ARHGAP6: variants seen among roughly 807,000 people sequenced by gnomAD.
The protein encoded by ARHGAP6 is Rho GTPase activating protein 6.
ARHGAP6 carries 16 observed loss-of-function variants against 55.7 expected under a neutral mutation model. The observed-to-expected ratio is 0.29, with a 90% confidence interval of 0.19 to 0.44. ARHGAP6 has a LOEUF of 0.44. Ranked by LOEUF, ARHGAP6 falls within the 20% of genes least tolerant of loss-of-function variation. The pLI, the probability that ARHGAP6 is intolerant of heterozygous loss-of-function variation, is 1.00. For synonymous variants in ARHGAP6, 382 were observed against 360.9 expected (o/e 1.06, Z -0.66); for missense variants, 698 against 808.9 (o/e 0.86, Z 1.66).
chrX:11,634,497 T>C (rs982971370), intron 1 of ARHGAP6, among the ~76,000 whole-genome samples: 2 of 111,474 alleles, frequency 1.8e-5, no homozygotes, highest in East Asian at 2.8e-4. Flanking sequence ...TAATAAGATA[T>C]GTAGTCATTG....
chrX:11,644,934 C>A (rs1312171195), intron 1 of ARHGAP6, among the ~76,000 whole-genome samples: 1 of 111,640 alleles, frequency 9.0e-6, no homozygotes, highest in Non-Finnish European at 1.9e-5. Flanking sequence ...GAAAACAAGC[C>A]AAATTTACTT....
intron 1 of ARHGAP6, among the ~76,000 whole-genome samples, chrX:11,573,105 G>T (rs1319413114): frequency 9.0e-6 from 1 of 111,378 alleles, no homozygotes; most frequent in Non-Finnish European, 1.9e-5. Context: ...AGATGAGTAG[G>T]TTGCGAAAAT....
chrX:11,423,736 C>T (rs1018662398), intron 1 of ARHGAP6, among the ~76,000 whole-genome samples: 1 of 112,494 alleles, frequency 8.9e-6, no homozygotes, highest in Non-Finnish European at 1.9e-5. Flanking sequence ...TAGTACTACT[C>T]CCAGCAAGTT....
chrX:11,562,284 C>A (rs1417587916), intron 1 of ARHGAP6, among the ~76,000 whole-genome samples: 1 of 111,804 alleles, frequency 8.9e-6, no homozygotes, highest in Non-Finnish European at 1.9e-5. Flanking sequence ...AACTGTGGAT[C>A]TACCATATTA....
At chrX:11,531,069 G>C (rs1468943857) in intron 1 of ARHGAP6, among the ~76,000 whole-genome samples, 1 of 112,211 alleles carries the variant, frequency 8.9e-6, no homozygotes, top group Non-Finnish European at 1.9e-5. Context: ...TGAATGGATA[G>C]ATGAATGAAT....
intron 1 of ARHGAP6, among the ~76,000 whole-genome samples, chrX:11,544,317 T>C (rs2051191110): frequency 8.9e-6 from 1 of 112,622 alleles, no homozygotes; most frequent in African/African-American, 3.2e-5. Context: ...TGCAACATGT[T>C]TGAAAGCTTG....
chrX:11,522,761 A>G (rs895639898), intron 1 of ARHGAP6, among the ~76,000 whole-genome samples: 15 of 111,451 alleles, frequency 1.3e-4, no homozygotes, highest in Non-Finnish European at 2.3e-4. Context: ...CCAACCAAAA[A>G]AAGTCCAGGA....
At chrX:11,390,045 T>A (rs987769823) in intron 1 of ARHGAP6, among the ~76,000 whole-genome samples, 4 of 111,848 alleles carry the variant, frequency 3.6e-5, no homozygotes, top group African/African-American at 1.3e-4. Context: ...TCTTCTAGGG[T>A]TTTTATGGTT....
At chrX:11,192,993 G>C (rs1484026858) in intron 3 of ARHGAP6, among the ~76,000 whole-genome samples, 2 of 112,399 alleles carry the variant, frequency 1.8e-5, no homozygotes, top group Admixed American at 9.4e-5. Context: ...TTAAGGACTT[G>C]GAATTATTCT....
At chrX:11,248,064 C>A (rs2047375712) in intron 2 of ARHGAP6, among the ~76,000 whole-genome samples, 1 of 111,724 alleles carries the variant, frequency 9.0e-6, no homozygotes, top group South Asian at 3.7e-4. Context: ...GAAGGGGTAA[C>A]AAATTAAGCT....
In ARHGAP6 at chrX:11,201,989, CTGTGTGTG is replaced by C. The variant is rs56023548; in HGVS notation, c.749-5001_749-4994del. ...CTGTGTGCAAACTGAGCATCTGGAT[CTGTGTGTG>C]TGTGTGTGTGTGTGTGTGTGTGTGT... On this transcript the variant is annotated intron_variant, in intron 2 of 12. Transcript: ENST00000337414. 4.6e-3 allele frequency among the ~76,000 whole-genome samples: 301 copies of C among 65,539 alleles called. 1 individual carries two copies. Among genetic ancestry groups the C allele is most frequent in the Middle Eastern group, 0.018 (2 of 113 alleles). 56.9% of individuals were successfully genotyped at this position (65,539 alleles called of 115,157 possible). A position where few individuals can be genotyped will look rare whatever the true frequency, so the allele number is the denominator to read the frequency against.
intron 12 of ARHGAP6, among the ~76,000 whole-genome samples, chrX:11,140,600 C>A (rs2045608451): frequency 9.1e-6 from 1 of 109,586 alleles, no homozygotes; most frequent in African/African-American, 3.3e-5. Context: ...AGGCTGGGCC[C>A]CTTAGTGACT....
At chrX:11,518,457 T>A (rs1306929085) in intron 1 of ARHGAP6, among the ~76,000 whole-genome samples, 1 of 89,839 alleles carries the variant, frequency 1.1e-5, no homozygotes, top group Non-Finnish European at 2.2e-5. Context: ...TTTTCTTTTT[T>A]TTTTCTTTTT....
intron 1 of ARHGAP6, among the ~76,000 whole-genome samples, chrX:11,647,212 C>T (rs1267147210): frequency 8.9e-6 from 1 of 112,337 alleles, no homozygotes; most frequent in Non-Finnish European, 1.9e-5. Context: ...ACAGCACACA[C>T]TGCTAATATT....
Position 11,383,134 on chromosome X carries a change from G to A in ARHGAP6, c.589-128427C>T, listed in dbSNP as rs150559639. Among the ~76,000 whole-genome samples, 411 of 112,011 alleles carry A rather than the reference G, an allele frequency of 3.7e-3. 1 individual carries two copies. Among genetic ancestry groups the A allele is most frequent in the Non-Finnish European group, 5.7e-3 (304 of 53,169 alleles). ...CAGAACATTCCAAAATCAATAAGGC[G>A]TGTATTTTTAAGAGCCTTTTTTGCT... On this transcript the variant is annotated intron_variant, in intron 1 of 12. Transcript: ENST00000337414.
At chrX:11,360,009 A>G (rs2048988452) in intron 1 of ARHGAP6, among the ~76,000 whole-genome samples, 1 of 111,822 alleles carries the variant, frequency 8.9e-6, no homozygotes, top group South Asian at 3.7e-4. Context: ...TTGTGGCAAT[A>G]ATCAATAGCT....
chrX:11,161,379 C>A (rs1473261953), intron 9 of ARHGAP6, among the ~76,000 whole-genome samples: 2 of 110,317 alleles, frequency 1.8e-5, no homozygotes, highest in African/African-American at 6.6e-5. Context: ...TCTAGGTAGA[C>A]CACTGACTTA....
At chrX:11,187,984 A>G (rs1421704535) in intron 4 of ARHGAP6, among the ~76,000 whole-genome samples, 1 of 111,709 alleles carries the variant, frequency 9.0e-6, no homozygotes, top group Non-Finnish European at 1.9e-5. Flanking sequence ...GTGAGCAGTG[A>G]TCATGCCACT....
At chrX:11,210,530 AG>A (rs1255793391) in intron 2 of ARHGAP6, among the ~76,000 whole-genome samples, 1 of 112,766 alleles carries the variant, frequency 8.9e-6, no homozygotes, top group Non-Finnish European at 1.9e-5. Context: ...TGTAGCTGAA[AG>A]GATTTGAATG....
Sources: allele counts gnomAD v4.1 joint callset (sites outside exome capture counted in the v4.1 genomes callset), GRCh38; gene constraint gnomAD v4.1.1; transcripts MANE v1.5; gene names NCBI Gene and HGNC (gene_info 2026-07-23, HGNC 2026-07-21).